Variants in TARS3 observed in about 807,000 individuals in gnomAD.
The protein encoded by TARS3 is threonyl-tRNA synthetase 3, also known as threonine--tRNA ligase 2, cytoplasmic.
In TARS3, 94 loss-of-function variants were observed where a neutral mutation model predicts 103.5. The observed-to-expected ratio is 0.91, with a 90% CI of 0.77 to 1.08. The LOEUF (loss-of-function observed/expected upper bound fraction) is 1.08, where lower values mean the gene tolerates loss of function less well. Ranked by LOEUF, TARS3 falls within the 50% of genes least tolerant of loss-of-function variation. The pLI, the probability that TARS3 is intolerant of heterozygous loss-of-function variation, is 0.00. For synonymous variants in TARS3, 416 were observed against 355.4 expected (o/e 1.17, Z -1.92); for missense variants, 952 against 995.2 (o/e 0.96, Z 0.58).
chr15:101,702,507 TGCCTATAATCCCA>T lies in TARS3; in HGVS notation c.1075-135_1075-123del. The T allele has an allele frequency of 3.6e-6, 3 of 823,790 alleles. No homozygotes were observed. In the South Asian group the frequency reaches 4.5e-5, roughly 12 times the overall value. The allele number at this position is 823,790 out of a possible 1,614,324, so 51.0% of individuals were successfully genotyped here. A position where few individuals can be genotyped will look rare whatever the true frequency, so the allele number is the denominator to read the frequency against. Reference sequence around the variant, plus strand: ...CAAAGCAGCCCTGCATGGTGGCTCATGCCTATAATCCCAGCACTTTGGGAGGCCAAGGTGGTTA... The same window carrying T: ...CAAAGCAGCCCTGCATGGTGGCTCATGCACTTTGGGAGGCCAAGGTGGTTA... On this transcript the variant is annotated intron_variant, in intron 8 of 18. Coordinates refer to ENST00000335968, the MANE Select transcript of TARS3 (RefSeq NM_152334.3).
At chr15:101,704,662 T>TA (rs558123891) in intron 7 of TARS3, among the ~76,000 whole-genome samples, 21,596 of 93,006 alleles carry the variant, frequency 0.23, 1,988 homozygotes, top group Non-Finnish European at 0.3. Flanking sequence ...CTCAAAAAAT[T>TA]AAAAAAAAAA....
intron 10 of TARS3, among the ~76,000 whole-genome samples, chr15:101,689,048 G>A (rs769635609): frequency 3.9e-5 from 6 of 152,202 alleles, no homozygotes; most frequent in Non-Finnish European, 8.8e-5. Flanking sequence ...ACCAAAAACT[G>A]AGACATGCTT....
In TARS3 at chr15:101,658,311, C is replaced by CAAA. The variant is rs36121104; in HGVS notation, c.2073-457_2073-455dup. ...ACTGTGGAACGTGGAACACCATCAGCAAAAAAAAAAAAAAAAAAAAGGAAC... is the reference window on the plus strand; with the variant it reads ...ACTGTGGAACGTGGAACACCATCAGCAAAAAAAAAAAAAAAAAAAAAAAGGAAC... On this transcript the variant is annotated intron_variant, in intron 16 of 18. Coordinates refer to ENST00000335968, the MANE Select transcript of TARS3 (RefSeq NM_152334.3). Among the ~76,000 whole-genome samples, 318 of 69,808 alleles carry CAAA rather than the reference C, an allele frequency of 4.6e-3. 4 individuals are homozygous for CAAA. The highest frequency in any genetic ancestry group is 0.018 in the Middle Eastern group (2 of 112). 45.8% of individuals were successfully genotyped at this position (69,808 alleles called of 152,430 possible).
chr15:101,719,720 G>C (rs1296844601), intron 3 of TARS3, among the ~76,000 whole-genome samples: 1 of 152,168 alleles, frequency 6.6e-6, no homozygotes, highest in Non-Finnish European at 1.5e-5. Context: ...CCCATGCAAG[G>C]ACCCAGCTTC....
intron 12 of TARS3, among the ~76,000 whole-genome samples, chr15:101,676,458 A>G (rs1898029937): frequency 6.6e-6 from 1 of 152,108 alleles, no homozygotes; most frequent in Admixed American, 6.5e-5. Context: ...GATGGATTTG[A>G]GACATCAAGT....
At chr15:101,721,509 T>C (rs553377913) in intron 2 of TARS3, among the ~76,000 whole-genome samples, 187 bp from the exon 3 acceptor site, 1 of 152,328 alleles carries the variant, frequency 6.6e-6, no homozygotes, top group Non-Finnish European at 1.5e-5. Flanking sequence ...GTTGCTGTTG[T>C]TTTGAGATGG....
chr15:101,668,150 G>A (rs1436436228), intron 15 of TARS3, among the ~76,000 whole-genome samples: 1 of 152,152 alleles, frequency 6.6e-6, no homozygotes, highest in East Asian at 1.9e-4. Context: ...TGGGTAACTG[G>A]TGCAAGAGGC....
Position 101,675,790 on chromosome 15 carries a change from T to C in TARS3, c.1651-53A>G, listed in dbSNP as rs1897998163. ...AATAGAACATCAAATTCATTTATGT[T>C]TTAAAAAATACAATTCTTCATGTCA... On this transcript the variant is annotated intron_variant, in intron 12 of 18. Transcript: ENST00000335968. 1.4e-5 allele frequency: 22 copies of C among 1,548,842 alleles called. No homozygotes were observed. The South Asian group carries it at 2.2e-4, about 16-fold the overall frequency.
chr15:101,673,235 C>T (rs543558864), intron 13 of TARS3, among the ~76,000 whole-genome samples: 2 of 152,286 alleles, frequency 1.3e-5, no homozygotes, highest in African/African-American at 4.8e-5. Context: ...CTATTTACCC[C>T]CATTAATTAA....
chr15:101,658,934 A>G (rs1004747869), intron 16 of TARS3, among the ~76,000 whole-genome samples: 1 of 152,110 alleles, frequency 6.6e-6, no homozygotes, highest in African/African-American at 2.4e-5. Context: ...CTGGGATTAC[A>G]GCCATTGCCA....
chr15:101,676,719 C>CT (rs1898041793), intron 12 of TARS3, among the ~76,000 whole-genome samples: 1 of 151,134 alleles, frequency 6.6e-6, no homozygotes, highest in South Asian at 2.1e-4. Context: ...GTTGGCCAGG[C>CT]TGGTCTCGAA....
chr15:101,704,083 G>A, intron 7 of TARS3, 146 bp from the exon 8 acceptor site: 1 of 537,780 alleles, frequency 1.9e-6, no homozygotes. Context: ...AAGGAGAGAG[G>A]TGATTCATCT....
chr15:101,656,525 G>A (rs1209892002), intron 18 of TARS3, among the ~76,000 whole-genome samples: 1 of 151,956 alleles, frequency 6.6e-6, no homozygotes, highest in African/African-American at 2.4e-5. Flanking sequence ...TTTAAATTTG[G>A]GATCTTTTCT....
rs146848973 is a variant in TARS3 at position 101,671,713 on chromosome 15, C to T, written c.1824G>A (p.Pro608=). The part of the protein sequence containing the change: ...LQNSLMDFGE[P]WKMNPGDGAF... ...CTCCATCTCCTGGGTTCATTTTCCA[C>T]GGTTCTCCAAAGTCCATCAAGCTGT... Residue 608 remains proline, a synonymous_variant, in exon 14 of 19, where the codon CCG becomes CCA. Transcript: ENST00000335968. 8.6e-5 allele frequency: 139 copies of T among 1,613,900 alleles called. No individual in the cohort carries two copies. The highest frequency in any genetic ancestry group is 1.1e-4 in the Non-Finnish European group (133 of 1,179,992).
chr15:101,693,551 G>C (rs1318491924), intron 10 of TARS3, among the ~76,000 whole-genome samples: 1 of 151,936 alleles, frequency 6.6e-6, no homozygotes, highest in Non-Finnish European at 1.5e-5. Context: ...CACACTCCTA[G>C]GTATTTACTC....
At chr15:101,703,591 G>GAAAAATA (rs1899392387) in intron 8 of TARS3, among the ~76,000 whole-genome samples, 1 of 151,182 alleles carries the variant, frequency 6.6e-6, no homozygotes, top group Non-Finnish European at 1.5e-5. Flanking sequence ...CTCTGTCTCA[G>GAAAAATA]AAAAATAAAA....
chr15:101,715,012 G>A, intron 3 of TARS3, 49 bp from the exon 4 acceptor site: 1 of 1,533,570 alleles, frequency 6.5e-7, no homozygotes, highest in South Asian at 1.3e-5. Flanking sequence ...CTGTTACAAT[G>A]ATTCCTTAAA....
In TARS3 at chr15:101,683,955, A is replaced by C. The variant is rs1458035098; in HGVS notation, c.1650+120T>G. 7 of 932,132 alleles carry C rather than the reference A, an allele frequency of 7.5e-6. No homozygotes were observed. The Admixed American group carries it at 2.3e-4, about 30-fold the overall frequency. The allele number at this position is 932,132 out of a possible 1,614,324, so 57.7% of individuals were successfully genotyped here. ...GAGAATCACAGCAGGTTAGAGCTGA[A>C]TGAATCTCAGAGACTAGACCAAACG... On this transcript the variant is annotated intron_variant, in intron 12 of 18. Transcript: ENST00000335968.
Position 101,699,893 on chromosome 15 carries a change from G to C in TARS3, c.1320+1193C>G, listed in dbSNP as rs148697647. Among the ~76,000 whole-genome samples the C allele has an allele frequency of 2.0e-5, 3 of 152,326 alleles. No individual in the cohort carries two copies. In the East Asian group the frequency reaches 5.8e-4, roughly 29 times the overall value. On this transcript the variant is annotated intron_variant, in intron 10 of 18. Coordinates refer to ENST00000335968, the MANE Select transcript of TARS3 (RefSeq NM_152334.3). ...GAGAATTAAAGATAAGCAACGAAGA[G>C]ATATACAGGGACCAGGAAAAGAGAC...
Sources: allele counts gnomAD v4.1 joint callset (sites outside exome capture counted in the v4.1 genomes callset), GRCh38; gene constraint gnomAD v4.1.1; transcripts MANE v1.5; gene names NCBI Gene and HGNC (gene_info 2026-07-23, HGNC 2026-07-21).